ANKRD44: variants seen among roughly 807,000 people sequenced by gnomAD.
The protein encoded by ANKRD44 is serine/threonine-protein phosphatase 6 regulatory ankyrin repeat subunit B.
ANKRD44 carries 35 observed loss-of-function variants against 116.0 expected under a neutral mutation model. That is an observed-to-expected ratio of 0.30 (90% confidence interval 0.23 to 0.40). The LOEUF (loss-of-function observed/expected upper bound fraction) is 0.40. ANKRD44 is among the 10% of genes least tolerant of loss of function. ANKRD44 has a pLI of 1.00. For missense variants in ANKRD44, 1,014 were observed against 1,242.6 expected, an observed-to-expected ratio of 0.82 and a Z score of 2.77; for synonymous variants, 435 against 461.8, an observed-to-expected ratio of 0.94 and a Z score of 0.74.
chr2:197,125,760 A>AG, intron 5 of ANKRD44, 77 bp downstream of exon 5: 2 of 1,452,710 alleles, frequency 1.4e-6, no homozygotes, highest in Non-Finnish European at 1.9e-6. Context: ...TTAAAATCTC[A>AG]GCAAGAAGAT....
chr2:197,065,208 G>T (rs1226838078), intron 16 of ANKRD44, among the ~76,000 whole-genome samples: 1 of 152,126 alleles, frequency 6.6e-6, no homozygotes, highest in East Asian at 1.9e-4. Context: ...TGACTACTGG[G>T]TACATAACGA....
intron 16 of ANKRD44, among the ~76,000 whole-genome samples, chr2:197,063,785 A>C (rs1255493442): frequency 6.6e-6 from 1 of 152,220 alleles, no homozygotes; most frequent in Non-Finnish European, 1.5e-5. Context: ...CAAAGCCTCC[A>C]AGAAATATGG....
At chr2:197,103,210 AGAGT>A (rs2078341959) in intron 9 of ANKRD44, among the ~76,000 whole-genome samples, 1 of 143,814 alleles carries the variant, frequency 7.0e-6, no homozygotes, top group Non-Finnish European at 1.5e-5. Flanking sequence ...CCTGGGCGAC[AGAGT>A]GAGACTCCAT....
chr2:197,155,021 C>T (rs184311090), intron 2 of ANKRD44, among the ~76,000 whole-genome samples: 59 of 152,198 alleles, frequency 3.9e-4, no homozygotes, highest in Middle Eastern at 3.4e-3. Flanking sequence ...AAGAATCACG[C>T]ACAAGAATTA....
intron 21 of ANKRD44, among the ~76,000 whole-genome samples, chr2:196,969,235 GA>G (rs2075697457): frequency 6.6e-6 from 1 of 152,138 alleles, no homozygotes; most frequent in Non-Finnish European, 1.5e-5. Context: ...CAAAGAATAT[GA>G]AAGGAGTCTC....
intron 21 of ANKRD44, among the ~76,000 whole-genome samples, chr2:197,004,064 G>T (rs1406863805): frequency 2.0e-5 from 3 of 152,096 alleles, no homozygotes; most frequent in Non-Finnish European, 4.4e-5. Context: ...AATTGAAAAT[G>T]TAAAAAGAAA....
intron 27 of ANKRD44, chr2:196,990,567 C>T: frequency 8.1e-7 from 1 of 1,230,294 alleles, no homozygotes; most frequent in Non-Finnish European, 1.0e-6. Context: ...TCTCTACTAG[C>T]TTCTGGAAGC....
chr2:197,310,623 G>T lies in ANKRD44; in HGVS notation c.-19C>A, dbSNP rs546671160. 1 of 1,328,326 alleles carries T rather than the reference G, an allele frequency of 7.5e-7. No homozygotes were observed. The allele number at this position is 1,328,326 out of a possible 1,614,324, so 82.3% of individuals were successfully genotyped here. On this transcript the variant is annotated 5_prime_UTR_variant, in exon 1 of 28. Transcript: ENST00000282272. ...CTGCCATTCTTCCGCTCCTTCGCGC[G>T]CACACACATGCAGGTCCCCGGCCCG... is the stretch of plus-strand genomic sequence containing the variant.
intron 17 of ANKRD44, among the ~76,000 whole-genome samples, chr2:197,018,081 C>T (rs1409231851): frequency 6.6e-6 from 1 of 152,218 alleles, no homozygotes; most frequent in African/African-American, 2.4e-5. Context: ...CGTCCAGAAT[C>T]TGTCTTCTTC....
chr2:197,150,236 T>C (rs1029087246), intron 2 of ANKRD44, among the ~76,000 whole-genome samples: 3 of 152,088 alleles, frequency 2.0e-5, no homozygotes, highest in African/African-American at 7.2e-5. Context: ...GCTCCCAACC[T>C]GAAACTTTTT....
chr2:197,021,866 T>C (rs911280390), intron 17 of ANKRD44, among the ~76,000 whole-genome samples: 5 of 152,190 alleles, frequency 3.3e-5, no homozygotes, highest in African/African-American at 4.8e-5. Context: ...CTAAGGACAA[T>C]GAGGGGAAAG....
At chr2:197,026,358 G>T (rs534010710) in intron 16 of ANKRD44, among the ~76,000 whole-genome samples, 2 of 152,212 alleles carry the variant, frequency 1.3e-5, no homozygotes, top group African/African-American at 4.8e-5. Flanking sequence ...AACTCGAGGG[G>T]AGATTAGTTT....
intron 16 of ANKRD44, among the ~76,000 whole-genome samples, chr2:197,054,386 GA>G (rs35682810): frequency 0.72 from 108,254 of 151,270 alleles, 40,222 homozygotes; most frequent in East Asian, 0.86. Context: ...CAACTTCCAA[GA>G]AAAAAAAAAT....
At chr2:197,118,665 AAGAAAG>A (rs1398583743) in intron 8 of ANKRD44, among the ~76,000 whole-genome samples, 2 of 151,682 alleles carry the variant, frequency 1.3e-5, no homozygotes, top group Non-Finnish European at 2.9e-5. Flanking sequence ...GAAAGAAAGA[AAGAAAG>A]AAAGAAAAAC....
intron 9 of ANKRD44, among the ~76,000 whole-genome samples, chr2:197,109,810 G>A (rs2078522204): frequency 6.6e-6 from 1 of 152,092 alleles, no homozygotes; most frequent in African/African-American, 2.4e-5. Context: ...TAATAGAAGT[G>A]ATGCTGCTGG....
At chr2:197,270,914 C>T (rs1162032441) in intron 1 of ANKRD44, among the ~76,000 whole-genome samples, 1 of 152,196 alleles carries the variant, frequency 6.6e-6, no homozygotes, top group East Asian at 1.9e-4. Flanking sequence ...CACATCACTA[C>T]AGTGGCTTTA....
At chr2:197,217,738 AG>A (rs1202002857) in intron 1 of ANKRD44, among the ~76,000 whole-genome samples, 4 of 152,202 alleles carry the variant, frequency 2.6e-5, no homozygotes, top group African/African-American at 9.6e-5. Context: ...TAAAAGTATG[AG>A]AGCCTCATTT....
chr2:197,008,073 C>T, intron 19 of ANKRD44, 150 bp from the exon 20 acceptor site: 1 of 617,168 alleles, frequency 1.6e-6, no homozygotes, highest in Non-Finnish European at 2.9e-6. Flanking sequence ...GTTTGCTATA[C>T]AATATGCAGA....
intron 1 of ANKRD44, chr2:197,263,172 T>TA: frequency 2.1e-6 from 1 of 475,654 alleles, no homozygotes; most frequent in Non-Finnish European, 4.0e-6. Flanking sequence ...TCACAGCTGC[T>TA]AAGCCATCTG....
Sources: allele counts gnomAD v4.1 joint callset (sites outside exome capture counted in the v4.1 genomes callset), GRCh38; gene constraint gnomAD v4.1.1; transcripts MANE v1.5; gene names NCBI Gene and HGNC (gene_info 2026-07-23, HGNC 2026-07-21).